Variants in NIF3L1 observed in about 807,000 individuals in gnomAD.
NIF3L1 encodes NIF3-like protein 1.
In NIF3L1, 26 loss-of-function variants were observed where a neutral mutation model predicts 35.0. That is an observed-to-expected ratio of 0.74 (90% confidence interval 0.54 to 1.03). NIF3L1 has a LOEUF of 1.03. Among genes scored for constraint, NIF3L1 ranks in the 50% least tolerant of loss-of-function variants. The pLI, the probability that NIF3L1 is intolerant of heterozygous loss-of-function variation, is 0.00. For synonymous variants in NIF3L1, 157 were observed against 178.9 expected, an observed-to-expected ratio of 0.88 and a Z score of 0.98; for missense variants, 449 against 466.3, an observed-to-expected ratio of 0.96 and a Z score of 0.34.
intron 1 of NIF3L1, chr2:200,890,684 C>T (rs1217992522): frequency 6.6e-6 from 1 of 152,102 alleles, no homozygotes; most frequent in Non-Finnish European, 1.5e-5. Context: ...TTTTTTCTAC[C>T]TTTCCATTGC....
intron 4 of NIF3L1, 148 bp downstream of exon 4, chr2:200,895,538 TGTACAATTTGATGA>T (rs1378290925): frequency 2.6e-6 from 2 of 775,214 alleles, no homozygotes; most frequent in African/African-American, 3.5e-5. Flanking sequence ...ATATTTGATG[TGTACAATTTGATGA>T]ATATCATTAC....
chr2:200,900,292 A>G (rs1274795578), intron 6 of NIF3L1, among the ~76,000 whole-genome samples: 1 of 152,192 alleles, frequency 6.6e-6, no homozygotes, highest in Non-Finnish European at 1.5e-5. Context: ...GAATTACTTT[A>G]TGTAGTTACT....
chr2:200,890,765 G>C (rs1425073814), intron 1 of NIF3L1, among the ~76,000 whole-genome samples: 1 of 151,964 alleles, frequency 6.6e-6, no homozygotes, highest in African/African-American at 2.4e-5. Context: ...AGGCTTACAG[G>C]CTGTCTGGGA....
chr2:200,889,730 G>C (rs1462266634), intron 1 of NIF3L1, 78 bp downstream of exon 1: 1 of 152,470 alleles, frequency 6.6e-6, no homozygotes, highest in Non-Finnish European at 1.5e-5. Context: ...GCTTACTCTA[G>C]GACGGGAGTT....
intron 1 of NIF3L1, chr2:200,891,703 T>C: frequency 1.8e-6 from 1 of 542,106 alleles, no homozygotes; most frequent in South Asian, 2.3e-5. Flanking sequence ...CTGGATGGCC[T>C]GTGAAGTGGG....
rs777369826 is a variant in NIF3L1, at chr2:200,892,216, C to T, written c.273C>T (p.Ser91=). The change falls in exon 2 of 7, where the codon TCC becomes TCT. Residue 91 remains serine (S), a synonymous_variant. Coordinates refer to ENST00000409020, the MANE Select transcript of NIF3L1 (RefSeq NM_001369441.2). ...VLQKKADLIL[S]YHPPIFRPMK... is the part of the protein sequence containing the mutation. ...AAAAGAAGGCAGACCTCATTCTCTC[C>T]TACCATCCGCCTATCTTCCGACCCA... 14 of 1,614,078 alleles carry T rather than the reference C, an allele frequency of 8.7e-6. No homozygotes were observed. The South Asian group carries it at 1.4e-4, about 16-fold the overall frequency.
chr2:200,899,135 GGTT>G (rs2040368021), intron 5 of NIF3L1: 1 of 362,406 alleles, frequency 2.8e-6, no homozygotes, highest in Non-Finnish European at 5.0e-6. Context: ...AATTTACAAA[GGTT>G]GTTGAAAAAA....
intron 5 of NIF3L1, among the ~76,000 whole-genome samples, chr2:200,898,702 A>G (rs2040359001): frequency 6.6e-6 from 1 of 152,234 alleles, no homozygotes; most frequent in Non-Finnish European, 1.5e-5. Flanking sequence ...TGTTCATTTT[A>G]GAAACCCAAG....
At chr2:200,896,432 C>CT (rs2040315496) in intron 4 of NIF3L1, among the ~76,000 whole-genome samples, 1 of 152,174 alleles carries the variant, frequency 6.6e-6, no homozygotes, top group Admixed American at 6.5e-5. Context: ...TTTTTAAACT[C>CT]TTTATTTCCC....
Position 200,895,298 on chromosome 2 carries a change from A to G in NIF3L1, c.634A>G (p.Asn212Asp), listed in dbSNP as rs1353883551. The G allele has an allele frequency of 6.2e-7, 1 of 1,613,920 alleles. No individual in the cohort carries two copies. The highest frequency in any genetic ancestry group is 1.3e-5 in the African/African-American group (1 of 74,914). Residue 212 changes from asparagine to aspartate, a missense_variant, in exon 4 of 7, where the codon AAT becomes GAT. By Grantham distance (23) the Asn-to-Asp change is conservative (BLOSUM62 1). Coordinates refer to ENST00000409020, the MANE Select transcript of NIF3L1 (RefSeq NM_001369441.2). ...TGAGGAACAAACACGGATTAATCTG[A>G]ATTGTACTCAGAAGGCTTTGATGCA... ...GNEEQTRINL[N>D]CTQKALMQVV...
Position 200,893,296 on chromosome 2 carries a change from A to G in NIF3L1, c.487A>G (p.Thr163Ala), listed in dbSNP as rs776616197. 1.9e-6 allele frequency: 3 copies of G among 1,605,748 alleles called. No individual in the cohort carries two copies. Among genetic ancestry groups the G allele is most frequent in the Non-Finnish European group, 8.5e-7 (1 of 1,175,514 alleles). ...IHPSKAPNYP[T>A]EGNHRVEFNV... The stretch of plus-strand genomic sequence containing the variant: ...TCCTTCCAAAGCTCCCAACTACCCT[A>G]CAGAGGGAAACCACCGAGTAGAATT... The change falls in exon 3 of 7, where the codon ACA becomes GCA. Residue 163 changes from threonine (T) to alanine (A), a missense_variant. Transcript: ENST00000409020.
At chr2:200,893,117 T>C (rs1182298586) in intron 2 of NIF3L1, 129 bp from the exon 3 acceptor site, 1 of 609,840 alleles carries the variant, frequency 1.6e-6, no homozygotes, top group Admixed American at 3.1e-5. Context: ...GATGTGTGTA[T>C]GTTATGTAAG....
At chr2:200,900,471 C>G (rs2040394845) in intron 6 of NIF3L1, among the ~76,000 whole-genome samples, 1 of 152,108 alleles carries the variant, frequency 6.6e-6, no homozygotes, top group South Asian at 2.1e-4. Context: ...GCCCTCTGGC[C>G]ATTCCTTTGG....
chr2:200,897,146 T>C lies in NIF3L1; in HGVS notation c.797T>C (p.Ile266Thr), dbSNP rs946545663. 4.3e-6 allele frequency: 7 copies of C among 1,614,058 alleles called. No homozygotes were observed. Among genetic ancestry groups the C allele is most frequent in the Non-Finnish European group, 5.1e-6 (6 of 1,179,980 alleles). The change falls in exon 5 of 7, where the codon ATT becomes ACT. Residue 266 changes from isoleucine to threonine, a missense_variant. Transcript: ENST00000409020. ...GAATCTGTCTCCCTGGCAACCATGA[T>C]TGATCGAATAAAAAGACACCTAAAA... ...LDESVSLATM[I>T]DRIKRHLKLS...
intron 2 of NIF3L1, 145 bp from the exon 3 acceptor site, chr2:200,893,101 C>T (rs1575132594): frequency 4.0e-6 from 2 of 502,352 alleles, no homozygotes; most frequent in East Asian, 6.5e-5. Flanking sequence ...TGATGTATAT[C>T]TAAGGGATGT....
At position 200,892,432 on chromosome 2, in the gene NIF3L1, T is replaced by C. The variant is rs955137549; in HGVS notation, c.436+53T>C. The C allele has an allele frequency of 5.4e-5, 76 of 1,404,472 alleles. No homozygotes were observed. The South Asian group carries it at 6.9e-4, about 13-fold the overall frequency. 87.0% of individuals were successfully genotyped at this position (1,404,472 alleles called of 1,614,324 possible). A position where few individuals can be genotyped will look rare whatever the true frequency, so the allele number is the denominator to read the frequency against. On this transcript the variant is annotated intron_variant, in intron 2 of 6. Coordinates refer to ENST00000409020, the MANE Select transcript of NIF3L1 (RefSeq NM_001369441.2). The stretch of plus-strand genomic sequence containing the variant: ...TTTCCCTGCAAATACTTTGAAACTT[T>C]AGGATGTCTTTCCAGTAAAGTTTTA...
chr2:200,891,327 G>A (rs1346533462), intron 1 of NIF3L1, among the ~76,000 whole-genome samples: 1 of 152,132 alleles, frequency 6.6e-6, no homozygotes. Context: ...CAGGGGAGGC[G>A]GGCAGTGTCA....
At chr2:200,899,522 C>T in intron 6 of NIF3L1, 54 bp downstream of exon 6, 1 of 1,343,560 alleles carries the variant, frequency 7.4e-7, no homozygotes. Flanking sequence ...TCAAAAATGG[C>T]AAATTTTAGG....
chr2:200,902,854 C>T (rs1352940909), intron 6 of NIF3L1, among the ~76,000 whole-genome samples: 1 of 152,096 alleles, frequency 6.6e-6, no homozygotes, highest in African/African-American at 2.4e-5. Context: ...TTTCTGAAGG[C>T]CTCATTTTAC....
Sources: allele counts gnomAD v4.1 joint callset (sites outside exome capture counted in the v4.1 genomes callset), GRCh38; gene constraint gnomAD v4.1.1; transcripts MANE v1.5; gene names NCBI Gene and HGNC (gene_info 2026-07-23, HGNC 2026-07-21).